The following ZFHX3 variants were observed in gnomAD, a reference collection of about 807,000 sequenced individuals.
ZFHX3 encodes the protein zinc finger homeobox protein 3.
A neutral mutation model predicts 279.1 loss-of-function variants in ZFHX3; 42 were observed. That is an observed-to-expected ratio of 0.15 (90% CI 0.12 to 0.19). The LOEUF is 0.19. Ranked by LOEUF, ZFHX3 falls within the 10% of genes least tolerant of loss-of-function variation. The probability of loss-of-function intolerance (pLI) is 1.00; values close to 1 mark genes in which losing one functional copy is unlikely to be tolerated. For missense variants in ZFHX3, 4,981 were observed against 4,754.0 expected (o/e 1.05, Z -1.40); for synonymous variants, 2,293 against 1,957.8 (o/e 1.17, Z -4.52).
intron 7 of ZFHX3, among the ~76,000 whole-genome samples, chr16:73,130,581 A>G (rs1408345954): frequency 6.6e-6 from 1 of 152,192 alleles, no homozygotes; most frequent in Non-Finnish European, 1.5e-5. Flanking sequence ...TGTGGAGTAT[A>G]TAGGGAAGAA....
intron 2 of ZFHX3, among the ~76,000 whole-genome samples, chr16:73,494,467 CCTT>C (rs1567500785): frequency 6.6e-6 from 1 of 152,180 alleles, no homozygotes; most frequent in Non-Finnish European, 1.5e-5. Context: ...TCCCCATTGG[CCTT>C]CTTTCCTTGT....
At chr16:73,303,401 A>G (rs1005873899) in intron 4 of ZFHX3, among the ~76,000 whole-genome samples, 2 of 152,336 alleles carry the variant, frequency 1.3e-5, no homozygotes, top group South Asian at 4.1e-4. Flanking sequence ...TTCAATGTAT[A>G]AAAATTCTCA....
intron 2 of ZFHX3, among the ~76,000 whole-genome samples, chr16:73,569,316 G>A (rs1248511414): frequency 6.6e-6 from 1 of 151,758 alleles, no homozygotes; most frequent in Non-Finnish European, 1.5e-5. Context: ...AAAACAGAAT[G>A]CAGAAAACAA....
At chr16:72,966,465 C>T (rs546188877) in intron 1 of ZFHX3, among the ~76,000 whole-genome samples, 5 of 152,230 alleles carry the variant, frequency 3.3e-5, no homozygotes, top group Admixed American at 2.6e-4. Flanking sequence ...AGAGGAAGCC[C>T]GAAGTTGGCA....
At chr16:72,982,927 G>A (rs1193225499) in intron 1 of ZFHX3, among the ~76,000 whole-genome samples, 1 of 152,210 alleles carries the variant, frequency 6.6e-6, no homozygotes, top group African/African-American at 2.4e-5. Flanking sequence ...GAACTCAGAG[G>A]AGCTCATGTC....
chr16:73,702,137 AG>A (rs2053254433), intron 1 of ZFHX3, among the ~76,000 whole-genome samples: 1 of 152,060 alleles, frequency 6.6e-6, no homozygotes, highest in Non-Finnish European at 1.5e-5. Flanking sequence ...AGTCTGCTTT[AG>A]TACTATGGGT....
chr16:73,099,901 CT>C (rs939734860), intron 7 of ZFHX3, among the ~76,000 whole-genome samples: 2 of 147,344 alleles, frequency 1.4e-5, no homozygotes, highest in Admixed American at 1.3e-4. Context: ...GGAACTTCTC[CT>C]TCTGGCTACC....
At chr16:73,006,532 A>G (rs1182532214) in intron 1 of ZFHX3, among the ~76,000 whole-genome samples, 1 of 152,104 alleles carries the variant, frequency 6.6e-6, no homozygotes, top group Non-Finnish European at 1.5e-5. Flanking sequence ...ATGCAGGAAG[A>G]CTGCTTGAGC....
chr16:73,031,571 G>C (rs992914208), intron 1 of ZFHX3, among the ~76,000 whole-genome samples: 9 of 152,124 alleles, frequency 5.9e-5, no homozygotes, highest in African/African-American at 2.2e-4. Context: ...TGGAGACATC[G>C]AGTAAACAGT....
At chr16:73,473,339 C>CAAAAAAAAAAAAAAAAAAAAAAAAAAAAA (rs11347779) in intron 2 of ZFHX3, among the ~76,000 whole-genome samples, 7 of 76,656 alleles carry the variant, frequency 9.1e-5, no homozygotes, top group African/African-American at 1.8e-4. Context: ...TGTCTCAAAG[C>CAAAAAAAAAAAAAAAAAAAAAAAAAAAAA]AAAAAAAAAA....
intron 7 of ZFHX3, among the ~76,000 whole-genome samples, chr16:73,102,559 T>C (rs17693924): frequency 0.29 from 44,240 of 152,100 alleles, 6,857 homozygotes; most frequent in Middle Eastern, 0.34. Flanking sequence ...GTATAGATTT[T>C]TGACCTTCCA....
intron 3 of ZFHX3, among the ~76,000 whole-genome samples, chr16:73,358,057 C>T (rs969852831): frequency 1.3e-4 from 20 of 152,212 alleles, no homozygotes; most frequent in African/African-American, 4.3e-4. Flanking sequence ...CCTCCCTCTG[C>T]CTGGCTTCCC....
At chr16:73,052,900 G>A (rs756615722), upstream of ZFHX3, among the ~76,000 whole-genome samples, 12 of 152,134 alleles carry the variant, frequency 7.9e-5, no homozygotes, top group South Asian at 2.1e-4. Flanking sequence ...CCTTAGCTCC[G>A]TTCTCCAGAA....
At chr16:72,913,465 G>A (rs1179948678) in intron 3 of ZFHX3, among the ~76,000 whole-genome samples, 1 of 152,146 alleles carries the variant, frequency 6.6e-6, no homozygotes, top group Non-Finnish European at 1.5e-5. Flanking sequence ...TGAGATTATG[G>A]ATTTCTGGAG....
At chr16:73,498,500 GA>G (rs2019179558) in intron 2 of ZFHX3, among the ~76,000 whole-genome samples, 1 of 152,186 alleles carries the variant, frequency 6.6e-6, no homozygotes, top group South Asian at 2.1e-4. Flanking sequence ...AAAAGACCTG[GA>G]ACCTTGGCCC....
chr16:72,969,714 C>T (rs987890283), intron 1 of ZFHX3, among the ~76,000 whole-genome samples: 2 of 152,208 alleles, frequency 1.3e-5, no homozygotes, highest in Non-Finnish European at 2.9e-5. Flanking sequence ...AGAAATAATA[C>T]CTGCATCTGT....
chr16:73,880,771 T>G (rs1397445947), intron 1 of ZFHX3, among the ~76,000 whole-genome samples: 1 of 152,224 alleles, frequency 6.6e-6, no homozygotes, highest in Non-Finnish European at 1.5e-5. Context: ...TCTATTTATT[T>G]CTGTTGCTTT....
chr16:73,789,723 C>G (rs1959766325), intron 1 of ZFHX3, among the ~76,000 whole-genome samples: 1 of 152,106 alleles, frequency 6.6e-6, no homozygotes, highest in Non-Finnish European at 1.5e-5. Flanking sequence ...CAAACCGTAT[C>G]CAGTCAACAG....
At chr16:73,078,060 C>T (rs1336777961) in intron 8 of ZFHX3, among the ~76,000 whole-genome samples, 2 of 152,172 alleles carry the variant, frequency 1.3e-5, no homozygotes, top group Admixed American at 6.5e-5. Context: ...CTGCTTCGGC[C>T]TCCTAAAATT....
Sources: gnomAD v4.1 joint callset for allele counts (sites outside exome capture counted in the v4.1 genomes callset) on GRCh38, gnomAD v4.1.1 for gene constraint, MANE v1.5 for transcripts, NCBI Gene and HGNC (gene_info 2026-07-23, HGNC 2026-07-21) for gene names.